The following DIP2C variants were observed in gnomAD, a reference collection of about 807,000 sequenced individuals.
DIP2C encodes the protein DIP2 acetate--CoA ligase C (putative), also known as disco-interacting protein 2 homolog C.
DIP2C carries 33 observed loss-of-function variants against 192.4 expected under a neutral mutation model. The ratio of observed to expected loss-of-function variants is 0.17; its 90% confidence interval spans 0.13 to 0.23. DIP2C has a LOEUF of 0.23. Among genes scored for constraint, DIP2C ranks in the 10% least tolerant of loss-of-function variants. The pLI is 1.00. For synonymous variants in DIP2C, 979 were observed against 864.1 expected (o/e 1.13, Z -2.33); for missense variants, 1,537 against 2,110.1 (o/e 0.73, Z 5.32).
intron 3 of DIP2C, among the ~76,000 whole-genome samples, chr10:458,008 C>T (rs1295123780): frequency 6.6e-6 from 1 of 152,152 alleles, no homozygotes; most frequent in African/African-American, 2.4e-5. Context: ...AGCATGAGAG[C>T]CGCCCAGCCA....
rs1191537568 is a variant in DIP2C at position 409,125 on chromosome 10, G to A, written c.1058-108C>T. Reference sequence around the variant, plus strand: ...GTCCATTCTGCTTCCTGCGTATCATGGTCTGCAAGCGACTTGAAGTGGGGG... The same window carrying A: ...GTCCATTCTGCTTCCTGCGTATCATAGTCTGCAAGCGACTTGAAGTGGGGG... On this transcript the variant is annotated intron_variant, in intron 8 of 36. Transcript: ENST00000280886. The A allele has an allele frequency of 2.7e-6, 3 of 1,111,258 alleles. No individual in the cohort carries two copies. The African/African-American group carries it at 4.7e-5, about 17-fold the overall frequency. The allele number at this position is 1,111,258 out of a possible 1,614,324, so 68.8% of individuals were successfully genotyped here. A position where few individuals can be genotyped will look rare whatever the true frequency, so the allele number is the denominator to read the frequency against.
chr10:377,540 T>C (rs1458785842), intron 17 of DIP2C, among the ~76,000 whole-genome samples: 1 of 152,228 alleles, frequency 6.6e-6, no homozygotes, highest in Non-Finnish European at 1.5e-5. Flanking sequence ...TTATCCCTCT[T>C]TTTAGATAAA....
chr10:429,200 C>G (rs942840079), intron 4 of DIP2C, among the ~76,000 whole-genome samples: 8 of 139,556 alleles, frequency 5.7e-5, no homozygotes, highest in African/African-American at 2.6e-4. Context: ...CCTATTCATC[C>G]CTGCCTCCCC....
chr10:493,512 C>G (rs535097251), intron 1 of DIP2C, among the ~76,000 whole-genome samples: 1 of 152,078 alleles, frequency 6.6e-6, no homozygotes, highest in Non-Finnish European at 1.5e-5. Flanking sequence ...TCCAGCTGGA[C>G]ATCGAGAAGC....
chr10:510,864 C>T (rs2130769058), intron 1 of DIP2C, among the ~76,000 whole-genome samples: 1 of 152,358 alleles, frequency 6.6e-6, no homozygotes, highest in South Asian at 2.1e-4. Context: ...TATCTGCATG[C>T]TGGCTGCTCA....
rs567492554 is a variant in DIP2C, at chr10:623,854, A to C, written c.85+65640T>G. Among the ~76,000 whole-genome samples, 4 of 152,300 alleles carry C rather than the reference A, an allele frequency of 2.6e-5. No homozygotes were observed. In the South Asian group the frequency reaches 8.3e-4, roughly 32 times the overall value. ...CATCCATGCCCCTATGAATGCTGCC[A>C]AAATCAGCCCCAACAGTGAGAAGTG... On this transcript the variant is annotated intron_variant, in intron 1 of 36. Transcript: ENST00000280886.
intron 29 of DIP2C, among the ~76,000 whole-genome samples, chr10:331,903 A>G (rs1280168463): frequency 1.3e-5 from 2 of 151,090 alleles, no homozygotes; most frequent in African/African-American, 4.9e-5. Flanking sequence ...ATGTAACATA[A>G]CATTTACCAT....
chr10:678,664 TGCCCAGCTCCCCAC>T (rs1830967645), intron 1 of DIP2C, among the ~76,000 whole-genome samples: 2 of 6,566 alleles, frequency 3.0e-4, no homozygotes, highest in African/African-American at 4.1e-4. Flanking sequence ...GTCCTCCCTG[TGCCCAGCTCCCCAC>T]GCCCATGCTC....
intron 1 of DIP2C, among the ~76,000 whole-genome samples, chr10:572,808 C>T (rs1564212733): frequency 6.6e-6 from 1 of 152,090 alleles, no homozygotes; most frequent in Non-Finnish European, 1.5e-5. Flanking sequence ...AGAAAATGAC[C>T]CCTCAGTCTC....
intron 4 of DIP2C, among the ~76,000 whole-genome samples, chr10:433,990 T>C (rs967200788): frequency 2.6e-5 from 4 of 152,144 alleles, no homozygotes; most frequent in Non-Finnish European, 4.4e-5. Flanking sequence ...AGTGGCTGCC[T>C]TGGGATTTGC....
At chr10:506,034 C>T (rs970410203) in intron 1 of DIP2C, among the ~76,000 whole-genome samples, 6 of 152,178 alleles carry the variant, frequency 3.9e-5, no homozygotes, top group African/African-American at 7.2e-5. Context: ...GACATCTACA[C>T]GATGTCACAT....
At position 443,565 on chromosome 10, in the gene DIP2C, A is replaced by G. The variant is rs937140815; in HGVS notation, c.269-2569T>C. ...CAGAACACACAACATGTGTGTACAC[A>G]CATGTACACCCACACCCATCCACAG... On this transcript the variant is annotated intron_variant, in intron 3 of 36. Coordinates refer to ENST00000280886, the MANE Select transcript of DIP2C (RefSeq NM_014974.3). Among the ~76,000 whole-genome samples the G allele has an allele frequency of 3.9e-5, 6 of 152,152 alleles. No homozygotes were observed. The East Asian group carries it at 9.6e-4, about 24-fold the overall frequency.
chr10:490,182 C>A (rs1206134349), intron 1 of DIP2C, among the ~76,000 whole-genome samples: 2 of 117,874 alleles, frequency 1.7e-5, no homozygotes, highest in Non-Finnish European at 3.9e-5. Context: ...CATTTCACAC[C>A]AGGGACACGG....
At chr10:656,242 T>C (rs1475900189) in intron 1 of DIP2C, among the ~76,000 whole-genome samples, 2 of 152,292 alleles carry the variant, frequency 1.3e-5, no homozygotes, top group African/African-American at 4.8e-5. Flanking sequence ...GTTCCTTCTA[T>C]GCTACCCTAT....
intron 31 of DIP2C, among the ~76,000 whole-genome samples, chr10:315,612 G>C (rs929940148): frequency 6.6e-6 from 1 of 152,168 alleles, no homozygotes; most frequent in African/African-American, 2.4e-5. Context: ...CTTTAAGATT[G>C]ACTCTGCCAC....
chr10:593,814 G>C (rs779495310), intron 1 of DIP2C, among the ~76,000 whole-genome samples: 3 of 152,138 alleles, frequency 2.0e-5, no homozygotes, highest in Non-Finnish European at 4.4e-5. Flanking sequence ...ACAAGAAAGG[G>C]AGAGCTTGTC....
At chr10:365,197 C>T (rs1164062650) in intron 19 of DIP2C, among the ~76,000 whole-genome samples, 1 of 152,206 alleles carries the variant, frequency 6.6e-6, no homozygotes, top group Admixed American at 6.5e-5. Context: ...AGAAAGCTAT[C>T]ATAGACAGGT....
intron 1 of DIP2C, among the ~76,000 whole-genome samples, chr10:518,730 G>A (rs956476754): frequency 7.2e-5 from 11 of 152,226 alleles, no homozygotes; most frequent in African/African-American, 2.4e-4. Flanking sequence ...TTTTGTTACA[G>A]CAGCCTTAGC....
intron 29 of DIP2C, among the ~76,000 whole-genome samples, chr10:336,409 C>T (rs1330494978): frequency 2.0e-5 from 3 of 152,190 alleles, no homozygotes; most frequent in Non-Finnish European, 4.4e-5. Context: ...CATATAAAAG[C>T]ACAGCACATA....
Sources: allele counts gnomAD v4.1 joint callset (sites outside exome capture counted in the v4.1 genomes callset), GRCh38; gene constraint gnomAD v4.1.1; transcripts MANE v1.5; gene names NCBI Gene and HGNC (gene_info 2026-07-23, HGNC 2026-07-21).